Variants in CNOT1 observed in about 807,000 individuals in gnomAD.
CNOT1 encodes the protein CCR4-NOT transcription complex subunit 1.
CNOT1 carries 15 observed loss-of-function variants against 273.8 expected under a neutral mutation model. That is an observed-to-expected ratio of 0.05 (90% confidence interval 0.04 to 0.08). CNOT1 has a LOEUF of 0.08. Among genes scored for constraint, CNOT1 ranks in the 10% least tolerant of loss-of-function variants. CNOT1 has a pLI of 1.00. For missense variants in CNOT1, 1,644 were observed against 2,912.2 expected, an observed-to-expected ratio of 0.56 and a Z score of 10.02; for synonymous variants, 1,022 against 1,005.5, an observed-to-expected ratio of 1.02 and a Z score of -0.31.
In CNOT1 at chr16:58,574,777, T is replaced by C; in HGVS notation, c.1828-17A>G. 10 of 1,585,594 alleles carry C rather than the reference T, an allele frequency of 6.3e-6. No homozygotes were observed. Among genetic ancestry groups the C allele is most frequent in the Non-Finnish European group, 8.5e-6 (10 of 1,173,882 alleles). ...AAAAGGCTCCTGAAGAATAGAAAAG[T>C]CTCTCAGTGTATTTAAAATTGATCT... On this transcript the variant is annotated splice_polypyrimidine_tract_variant and intron_variant, in intron 15 of 48. Transcript: ENST00000317147.
At position 58,553,865 on chromosome 16, in the gene CNOT1, C is replaced by CA. The variant is rs1219658080; in HGVS notation, c.2892-6dup. On this transcript the variant is annotated splice_polypyrimidine_tract_variant and splice_region_variant and intron_variant, in intron 21 of 48. Transcript: ENST00000317147. ...TACTGGGGATAGTCCTTCAATCTGCCAACAAAATTATTCTACCATCATTTC... is the reference window on the plus strand; with the variant it reads ...TACTGGGGATAGTCCTTCAATCTGCCAAACAAAATTATTCTACCATCATTTC... 1.2e-6 allele frequency: 2 copies of CA among 1,603,578 alleles called. No individual in the cohort carries two copies. The highest frequency in any genetic ancestry group is 2.7e-5 in the African/African-American group (2 of 73,972).
intron 16 of CNOT1, among the ~76,000 whole-genome samples, chr16:58,563,312 G>C: frequency 6.6e-6 from 1 of 152,130 alleles, no homozygotes; most frequent in East Asian, 1.9e-4. Flanking sequence ...TCACTGTATG[G>C]GTTGGTAGCT....
chr16:58,617,365 A>C (rs562394553), intron 1 of CNOT1, among the ~76,000 whole-genome samples: 1 of 151,926 alleles, frequency 6.6e-6, no homozygotes, highest in Non-Finnish European at 1.5e-5. Context: ...TCTCAAAAAA[A>C]TTTTTTTAAT....
At chr16:58,544,240 C>A (rs1167072607) in intron 30 of CNOT1, among the ~76,000 whole-genome samples, 1 of 152,146 alleles carries the variant, frequency 6.6e-6, no homozygotes, top group Admixed American at 6.5e-5. Flanking sequence ...AAAGCAACTT[C>A]TCCACTAGCT....
intron 10 of CNOT1, 151 bp from the exon 11 acceptor site, chr16:58,581,666 CTTTTTTTTTTTT>C (rs923677174): frequency 8.8e-7 from 1 of 1,137,540 alleles, no homozygotes; most frequent in African/African-American, 1.6e-5. Context: ...CTTTTTTTTT[CTTTTTTTTTTTT>C]TAAGACAGAG....
chr16:58,582,983 T>C lies in CNOT1; in HGVS notation c.933+73A>G. On this transcript the variant is annotated intron_variant, in intron 9 of 48. Transcript: ENST00000317147. ...TGGTCGATAGAACAATCAATCATAC[T>C]GTAATTTAATTAAAAAAAAATAAAG... The C allele has an allele frequency of 2.5e-6, 4 of 1,607,268 alleles. No individual in the cohort carries two copies. In the South Asian group the frequency reaches 4.4e-5, roughly 18 times the overall value.
At chr16:58,625,512 T>A (rs565600110) in intron 1 of CNOT1, among the ~76,000 whole-genome samples, 298 of 146,106 alleles carry the variant, frequency 2.0e-3, no homozygotes, top group Non-Finnish European at 3.6e-3. Flanking sequence ...AACCCTGTTT[T>A]AAAAAAACAT....
chr16:58,625,560 T>C (rs1425430855), intron 1 of CNOT1, among the ~76,000 whole-genome samples: 1 of 151,718 alleles, frequency 6.6e-6, no homozygotes, highest in Non-Finnish European at 1.5e-5. Flanking sequence ...GGCGCGCACC[T>C]GTAATCCCAG....
At chr16:58,625,235 C>T (rs1321081872) in intron 1 of CNOT1, among the ~76,000 whole-genome samples, 4 of 151,924 alleles carry the variant, frequency 2.6e-5, no homozygotes. Context: ...AAATACAGGC[C>T]TGGGCAGTGG....
chr16:58,567,460 A>G (rs547194846), intron 16 of CNOT1, among the ~76,000 whole-genome samples: 131 of 146,682 alleles, frequency 8.9e-4, no homozygotes, highest in African/African-American at 3.1e-3. Context: ...CCATTTCCAC[A>G]GAAAATTAAA....
intron 11 of CNOT1, among the ~76,000 whole-genome samples, 189 bp from the exon 12 acceptor site, chr16:58,580,949 T>C (rs1453386620): frequency 6.6e-6 from 1 of 152,186 alleles, no homozygotes; most frequent in Non-Finnish European, 1.5e-5. Flanking sequence ...TGAAACCCTG[T>C]CTGGATTATC....
Position 58,622,859 on chromosome 16 carries a change from A to AAAAG in CNOT1, c.-175+6865_-175+6868dup, listed in dbSNP as rs534594702. 1.3e-4 allele frequency among the ~76,000 whole-genome samples: 19 copies of AAAAG among 151,914 alleles called. No individual in the cohort carries two copies. In the East Asian group the frequency reaches 3.1e-3, roughly 25 times the overall value. ...TGAAACTCTTGACCCAAAAAAAAAA[A>AAAAG]AAAGAAAGAAAGAAAAAGAAAAAAG... On this transcript the variant is annotated intron_variant, in intron 1 of 48. Transcript: ENST00000317147.
At chr16:58,621,789 T>C (rs1357772755) in intron 1 of CNOT1, among the ~76,000 whole-genome samples, 1 of 148,300 alleles carries the variant, frequency 6.7e-6, no homozygotes, top group Non-Finnish European at 1.5e-5. Flanking sequence ...CGGGTGCCTG[T>C]AGTCCCAGCT....
intron 45 of CNOT1, 90 bp from the exon 46 acceptor site, chr16:58,525,449 A>G (rs2039552219): frequency 1.0e-5 from 11 of 1,078,862 alleles, no homozygotes; most frequent in Non-Finnish European, 1.5e-5. Flanking sequence ...TTACACCTTC[A>G]TGGAAAGGCC....
At chr16:58,523,305 G>GT in intron 47 of CNOT1, 65 bp downstream of exon 47, 1 of 1,340,130 alleles carries the variant, frequency 7.5e-7, no homozygotes. Flanking sequence ...GCATAAAGAG[G>GT]AAAAAAAAAA....
intron 2 of CNOT1, 94 bp downstream of exon 2, chr16:58,599,142 C>T: frequency 2.0e-6 from 3 of 1,527,778 alleles, no homozygotes; most frequent in Admixed American, 1.8e-5. Flanking sequence ...AAGTTAGTTA[C>T]CTTTCATGCA....
intron 25 of CNOT1, chr16:58,548,479 A>G (rs373992795): frequency 2.0e-6 from 1 of 511,804 alleles, no homozygotes; most frequent in South Asian, 1.4e-5. Flanking sequence ...TTGCTATCAG[A>G]TAATAAAAAC....
intron 16 of CNOT1, among the ~76,000 whole-genome samples, chr16:58,572,941 TAAATA>T (rs990075782): frequency 4.1e-5 from 6 of 146,674 alleles, no homozygotes; most frequent in South Asian, 4.3e-4. Flanking sequence ...TTAAGTTAAA[TAAATA>T]AAATAATTAA....
intron 7 of CNOT1, among the ~76,000 whole-genome samples, chr16:58,585,864 C>G (rs567556802): frequency 1.1e-3 from 163 of 152,226 alleles, no homozygotes; most frequent in Non-Finnish European, 3.8e-4. Context: ...ATTTATTTCA[C>G]TGGCAAGTGG....
Sources: gnomAD v4.1 joint callset for allele counts (sites outside exome capture counted in the v4.1 genomes callset) on GRCh38, gnomAD v4.1.1 for gene constraint, MANE v1.5 for transcripts, NCBI Gene and HGNC (gene_info 2026-07-23, HGNC 2026-07-21) for gene names.